The following PLCL2 variants were observed in gnomAD, a reference collection of about 807,000 sequenced individuals.
The protein encoded by PLCL2 is phospholipase C like 2, also known as inactive phospholipase C-like protein 2.
Under a neutral mutation model 79.6 loss-of-function variants are expected in PLCL2, and 4 were observed. The ratio of observed to expected loss-of-function variants is 0.05; its 90% CI spans 0.02 to 0.11. The LOEUF is 0.11. Among genes scored for constraint, PLCL2 ranks in the 10% least tolerant of loss-of-function variants. The probability of loss-of-function intolerance (pLI) is 1.00; values close to 1 mark genes in which losing one functional copy is unlikely to be tolerated. For missense variants in PLCL2, 895 were observed against 1,291.0 expected, an observed-to-expected ratio of 0.69 and a Z score of 4.70; for synonymous variants, 484 against 457.7, an observed-to-expected ratio of 1.06 and a Z score of -0.73.
Position 17,067,971 on chromosome 3 carries a change from A to G in PLCL2, c.3110A>G (p.Glu1037Gly). The G allele has an allele frequency of 1.2e-6, 2 of 1,603,980 alleles. No individual in the cohort carries two copies. The highest frequency in any genetic ancestry group is 1.7e-6 in the Non-Finnish European group (2 of 1,172,782). ...TTTCTTTCAGCCATGGAATTCCATG[A>G]ACACTTGCACAGCATAGGCACCAAG... ...HCQKAAMEFH[E>G]HLHSIGTKEG... The change falls in exon 5 of 6, where the codon GAA becomes GGA. Residue 1037 changes from glutamate to glycine, a missense_variant. Around this residue, in one of 6 missense-constraint regions of PLCL2, gnomAD observed 298 missense variants for 459.6 expected, o/e 0.65. Transcript: ENST00000615277.
chr3:16,946,953 C>A (rs376834722), intron 1 of PLCL2, among the ~76,000 whole-genome samples: 2 of 95,444 alleles, frequency 2.1e-5, no homozygotes, highest in Non-Finnish European at 3.9e-5. Flanking sequence ...AAGTTTCATT[C>A]TTTTTTTTTT....
Position 16,931,313 on chromosome 3 carries a change from A to G in PLCL2, c.327+45947A>G, listed in dbSNP as rs17042889. On this transcript the variant is annotated intron_variant, in intron 1 of 5. Coordinates refer to ENST00000615277, the MANE Select transcript of PLCL2 (RefSeq NM_001144382.2). ...TATGTAAGCACAAAAGCTATTGACT[A>G]TATTTAAGTGACTTGAATTAGAAAA... Among the ~76,000 whole-genome samples the G allele has an allele frequency of 3.5e-3, 530 of 152,306 alleles. 3 individuals carry two copies. The highest frequency in any genetic ancestry group is 0.012 in the African/African-American group (483 of 41,564).
chr3:16,983,337 AC>A (rs2064018911), intron 1 of PLCL2, among the ~76,000 whole-genome samples: 1 of 152,260 alleles, frequency 6.6e-6, no homozygotes, highest in East Asian at 1.9e-4. Context: ...GAATAAAGTC[AC>A]CCATATGGGA....
intron 5 of PLCL2, among the ~76,000 whole-genome samples, chr3:17,075,716 C>A (rs1011643909): frequency 1.3e-5 from 2 of 152,150 alleles, no homozygotes; most frequent in African/African-American, 4.8e-5. Flanking sequence ...CCACTTATCT[C>A]ATTTCTATCT....
chr3:16,979,821 T>C (rs1292436667), intron 1 of PLCL2, among the ~76,000 whole-genome samples: 2 of 150,016 alleles, frequency 1.3e-5, no homozygotes, highest in Non-Finnish European at 3.0e-5. Context: ...ACCGCCATTG[T>C]CATCATGGCC....
intron 1 of PLCL2, among the ~76,000 whole-genome samples, chr3:16,976,762 T>C (rs1250040593): frequency 6.6e-6 from 1 of 152,188 alleles, no homozygotes; most frequent in Non-Finnish European, 1.5e-5. Flanking sequence ...TTGTCCTTAT[T>C]TGTGGGGCTT....
chr3:17,014,939 G>A, intron 3 of PLCL2, 28 bp downstream of exon 3: 4 of 1,564,198 alleles, frequency 2.6e-6, no homozygotes, highest in Non-Finnish European at 3.5e-6. Context: ...CGTTTACATA[G>A]CCTGGGTGAG....
intron 1 of PLCL2, among the ~76,000 whole-genome samples, chr3:16,937,256 GGA>G (rs546270535): frequency 6.6e-5 from 10 of 152,082 alleles, no homozygotes; most frequent in Non-Finnish European, 1.2e-4. Flanking sequence ...TAGGCTACCG[GGA>G]GGAACCCTGT....
intron 1 of PLCL2, among the ~76,000 whole-genome samples, chr3:16,929,313 T>G (rs891229922): frequency 6.6e-6 from 1 of 152,216 alleles, no homozygotes; most frequent in African/African-American, 2.4e-5. Context: ...AATGAGAGTT[T>G]AGTGGACCAT....
chr3:16,926,187 A>G (rs1697245913), intron 1 of PLCL2, among the ~76,000 whole-genome samples: 1 of 152,212 alleles, frequency 6.6e-6, no homozygotes, highest in Non-Finnish European at 1.5e-5. Context: ...CTGATTCTTC[A>G]TGATAATTGA....
chr3:16,962,097 T>C (rs1207034795), intron 1 of PLCL2, among the ~76,000 whole-genome samples: 2 of 152,106 alleles, frequency 1.3e-5, no homozygotes, highest in African/African-American at 4.8e-5. Context: ...CAGGAGTAGG[T>C]CAGAATAGCA....
intron 1 of PLCL2, among the ~76,000 whole-genome samples, chr3:16,919,838 C>T (rs1177522934): frequency 2.0e-5 from 3 of 152,128 alleles, no homozygotes; most frequent in Non-Finnish European, 4.4e-5. Flanking sequence ...ATCCTCATTG[C>T]AAAGATTCTG....
intron 3 of PLCL2, among the ~76,000 whole-genome samples, chr3:17,020,639 A>C (rs2064440217): frequency 6.6e-6 from 1 of 152,180 alleles, no homozygotes; most frequent in African/African-American, 2.4e-5. Context: ...CCATTTCCCC[A>C]GTAGAAAATA....
chr3:17,064,290 C>G (rs529714369), intron 4 of PLCL2, among the ~76,000 whole-genome samples: 4 of 152,146 alleles, frequency 2.6e-5, no homozygotes, highest in Non-Finnish European at 5.9e-5. Context: ...ACAGACTGAT[C>G]CAGTTCAAAT....
At chr3:17,064,548 C>T (rs146097624) in intron 4 of PLCL2, among the ~76,000 whole-genome samples, 5 of 152,222 alleles carry the variant, frequency 3.3e-5, no homozygotes, top group African/African-American at 4.8e-5. Context: ...ATCTTTCGTC[C>T]TTGCCCTGGC....
chr3:16,904,457 T>G (rs1696705718), intron 1 of PLCL2, among the ~76,000 whole-genome samples: 1 of 151,542 alleles, frequency 6.6e-6, no homozygotes, highest in Non-Finnish European at 1.5e-5. Flanking sequence ...CAGGGAGGAG[T>G]TTACTGGTGG....
At chr3:17,055,095 A>G (rs1374846260) in intron 4 of PLCL2, among the ~76,000 whole-genome samples, 1 of 152,164 alleles carries the variant, frequency 6.6e-6, no homozygotes, top group Admixed American at 6.6e-5. Context: ...ATCCCATACA[A>G]TGTTACAGGA....
intron 1 of PLCL2, among the ~76,000 whole-genome samples, chr3:16,902,783 T>C (rs992106512): frequency 2.1e-5 from 3 of 144,506 alleles, no homozygotes; most frequent in African/African-American, 5.3e-5. Flanking sequence ...GCTGAGATCA[T>C]GCCACTGCAC....
chr3:16,890,381 CT>C (rs1264748313), intron 1 of PLCL2, among the ~76,000 whole-genome samples: 3 of 152,142 alleles, frequency 2.0e-5, no homozygotes, highest in African/African-American at 7.2e-5. Context: ...TGTTCACTTC[CT>C]TTTATAGTTC....
Sources: gnomAD v4.1 joint callset for allele counts (sites outside exome capture counted in the v4.1 genomes callset) on GRCh38, gnomAD v4.1.1 for gene constraint, gnomAD v4.1.1 regional missense constraint, MANE v1.5 for transcripts, NCBI Gene and HGNC (gene_info 2026-07-23, HGNC 2026-07-21) for gene names.